ADAMTSL3: variants seen among roughly 807,000 people sequenced by gnomAD.
ADAMTSL3 encodes ADAMTS like 3.
ADAMTSL3 carries 128 observed loss-of-function variants against 201.7 expected under a neutral mutation model. The ratio of observed to expected loss-of-function variants is 0.63; its 90% CI spans 0.55 to 0.73. The LOEUF (loss-of-function observed/expected upper bound fraction) is 0.73, where lower values mean the gene tolerates loss of function less well. ADAMTSL3 is among the 30% of genes least tolerant of loss of function. ADAMTSL3 has a pLI of 0.00. For missense variants in ADAMTSL3, 1,990 were observed against 2,119.6 expected (o/e 0.94, Z 1.20); for synonymous variants, 738 against 748.4 (o/e 0.99, Z 0.23).
At chr15:83,700,516 C>A (rs979146676) in intron 2 of ADAMTSL3, among the ~76,000 whole-genome samples, 1 of 152,188 alleles carries the variant, frequency 6.6e-6, no homozygotes, top group Non-Finnish European at 1.5e-5. Flanking sequence ...GTAATCCCAG[C>A]ACTTTGGGAG....
chr15:83,719,673 A>T (rs2062070499), intron 3 of ADAMTSL3, among the ~76,000 whole-genome samples: 1 of 152,178 alleles, frequency 6.6e-6, no homozygotes, highest in South Asian at 2.1e-4. Flanking sequence ...GGCTATGGGT[A>T]CTTGGGGTTC....
chr15:83,931,752 T>C (rs1302282272), intron 17 of ADAMTSL3, among the ~76,000 whole-genome samples: 1 of 152,068 alleles, frequency 6.6e-6, no homozygotes, highest in Non-Finnish European at 1.5e-5. Flanking sequence ...AATGGAAACA[T>C]GAGGTGGTGA....
At chr15:83,865,950 G>C (rs944071078) in intron 8 of ADAMTSL3, among the ~76,000 whole-genome samples, 2 of 152,118 alleles carry the variant, frequency 1.3e-5, no homozygotes, top group African/African-American at 4.8e-5. Flanking sequence ...GTGGGTGAAG[G>C]ATATGAACAG....
At chr15:83,737,615 A>C (rs533451763) in intron 3 of ADAMTSL3, among the ~76,000 whole-genome samples, 6 of 152,322 alleles carry the variant, frequency 3.9e-5, no homozygotes, top group Admixed American at 2.0e-4. Flanking sequence ...TAAGTTGCCC[A>C]GTCTCGGGCA....
At chr15:83,821,146 T>C (rs1039594768) in intron 6 of ADAMTSL3, among the ~76,000 whole-genome samples, 2 of 152,070 alleles carry the variant, frequency 1.3e-5, no homozygotes, top group Admixed American at 6.5e-5. Flanking sequence ...TATAGGATTC[T>C]GCATCTATTC....
chr15:83,658,829 C>G (rs997316286), intron 2 of ADAMTSL3, among the ~76,000 whole-genome samples: 1 of 152,212 alleles, frequency 6.6e-6, no homozygotes, highest in Non-Finnish European at 1.5e-5. Flanking sequence ...AAGATGAGTC[C>G]TGTGTTGACT....
chr15:83,719,767 G>A (rs1444342431), intron 3 of ADAMTSL3, among the ~76,000 whole-genome samples: 1 of 152,100 alleles, frequency 6.6e-6, no homozygotes, highest in East Asian at 1.9e-4. Flanking sequence ...CAACAAAACA[G>A]CATCAACAAA....
chr15:83,673,304 T>C (rs569194839), intron 2 of ADAMTSL3, among the ~76,000 whole-genome samples: 1 of 152,334 alleles, frequency 6.6e-6, no homozygotes, highest in South Asian at 2.1e-4. Flanking sequence ...AGCCACTGTT[T>C]ATTATAGTGT....
chr15:84,017,988 A>G (rs2068118290), intron 25 of ADAMTSL3, among the ~76,000 whole-genome samples: 2 of 152,256 alleles, frequency 1.3e-5, no homozygotes, highest in Admixed American at 6.5e-5. Flanking sequence ...GTAGGTCATG[A>G]TGTTTGTTCT....
At chr15:83,713,549 T>C (rs954353527) in intron 3 of ADAMTSL3, among the ~76,000 whole-genome samples, 5 of 152,044 alleles carry the variant, frequency 3.3e-5, no homozygotes, top group African/African-American at 1.2e-4. Context: ...ATAAAACAAA[T>C]GCATGAATAA....
At chr15:83,822,694 G>A (rs1489338011) in intron 6 of ADAMTSL3, among the ~76,000 whole-genome samples, 2 of 148,808 alleles carry the variant, frequency 1.3e-5, no homozygotes, top group South Asian at 4.3e-4. Context: ...GGGCAGAGAC[G>A]CTCCTCACTT....
intron 9 of ADAMTSL3, among the ~76,000 whole-genome samples, chr15:83,881,722 G>T (rs1019110950): frequency 1.1e-4 from 16 of 152,114 alleles, no homozygotes; most frequent in Non-Finnish European, 1.6e-4. Context: ...AGGCATGATA[G>T]TGTGCGCCTG....
At chr15:83,676,131 G>T (rs1596008641) in intron 2 of ADAMTSL3, among the ~76,000 whole-genome samples, 1 of 149,290 alleles carries the variant, frequency 6.7e-6, no homozygotes, top group Non-Finnish European at 1.5e-5. Context: ...TCTTCCTTCT[G>T]GTCACTTTTT....
At chr15:83,664,032 C>A (rs1050555607) in intron 2 of ADAMTSL3, among the ~76,000 whole-genome samples, 1 of 152,232 alleles carries the variant, frequency 6.6e-6, no homozygotes, top group Non-Finnish European at 1.5e-5. Context: ...CTCTCCCAGG[C>A]AGCCTCCATC....
intron 16 of ADAMTSL3, among the ~76,000 whole-genome samples, chr15:83,914,199 C>T (rs2065987445): frequency 6.6e-6 from 1 of 152,172 alleles, no homozygotes; most frequent in Non-Finnish European, 1.5e-5. Flanking sequence ...ATGTGCTCTG[C>T]TCTTGATCCA....
At chr15:83,942,860 G>C in intron 18 of ADAMTSL3, 43 bp from the exon 19 acceptor site, 1 of 1,606,370 alleles carries the variant, frequency 6.2e-7, no homozygotes, top group Non-Finnish European at 8.5e-7. Flanking sequence ...CACTAACATA[G>C]AGTGGGCCAA....
chr15:83,913,535 T>TC (rs1161886960), intron 16 of ADAMTSL3, among the ~76,000 whole-genome samples, 157 bp downstream of exon 16: 2 of 151,906 alleles, frequency 1.3e-5, no homozygotes, highest in African/African-American at 4.8e-5. Context: ...TCTTTTTCTT[T>TC]CTTTTTTTTT....
chr15:83,892,881 G>T lies in ADAMTSL3; in HGVS notation c.1460G>T (p.Trp487Leu). The change falls in exon 13 of 30, where the codon TGG (tryptophan) becomes TTG (leucine). Residue 487 changes from tryptophan to leucine, a missense_variant. Physicochemically the swap from Trp to Leu is moderately conservative, Grantham distance 61 (BLOSUM62 -2). Transcript: ENST00000286744. ...FDCPKWIAME[W>L]SQCTVTCGRG... ...TGCCCCAAGTGGATTGCCATGGAGTGGTCTCAGGTAAGATTTGAGAATATG... is the reference window on the plus strand; with the variant it reads ...TGCCCCAAGTGGATTGCCATGGAGTTGTCTCAGGTAAGATTTGAGAATATG... 6.2e-7 allele frequency: 1 copy of T among 1,613,750 alleles called. No individual in the cohort carries two copies. The highest frequency in any genetic ancestry group is 1.1e-5 in the South Asian group (1 of 91,028).
intron 3 of ADAMTSL3, among the ~76,000 whole-genome samples, chr15:83,769,914 C>T (rs2062952329): frequency 1.3e-5 from 2 of 150,370 alleles, no homozygotes; most frequent in Admixed American, 6.7e-5. Context: ...CTTTGCTGTT[C>T]TCCAGCTTAG....
Sources: gnomAD v4.1 joint callset for allele counts (sites outside exome capture counted in the v4.1 genomes callset) on GRCh38, gnomAD v4.1.1 for gene constraint, MANE v1.5 for transcripts, NCBI Gene and HGNC (gene_info 2026-07-23, HGNC 2026-07-21) for gene names.